CCDC9B: variants seen among roughly 807,000 people sequenced by gnomAD.
The protein encoded by CCDC9B is coiled-coil domain-containing protein 9B.
A neutral mutation model predicts 47.2 loss-of-function variants in CCDC9B; 40 were observed. The observed-to-expected ratio is 0.85, with a 90% CI of 0.66 to 1.10. The LOEUF (loss-of-function observed/expected upper bound fraction) is 1.10. Ranked by LOEUF, CCDC9B falls within the 50% of genes least tolerant of loss-of-function variation. The probability of loss-of-function intolerance (pLI) is 0.00; values close to 1 mark genes in which losing one functional copy is unlikely to be tolerated. For missense variants in CCDC9B, 662 were observed against 651.0 expected, an observed-to-expected ratio of 1.02 and a Z score of -0.18; for synonymous variants, 238 against 250.7, an observed-to-expected ratio of 0.95 and a Z score of 0.48.
At position 40,335,701 on chromosome 15, in the gene CCDC9B, C is replaced by T; in HGVS notation, c.931-1G>A. ...GAGTCTCTCTGGTGCTTTGGCTTCCCTGAAACAAGAGAATAGCCCCGGTGG... is the reference window on the plus strand; with the variant it reads ...GAGTCTCTCTGGTGCTTTGGCTTCCTTGAAACAAGAGAATAGCCCCGGTGG... On this transcript the variant is annotated splice_acceptor_variant, in intron 10 of 10. Transcript: ENST00000397536. LOFTEE classifies it high-confidence loss of function. 1 of 1,566,536 alleles carries T rather than the reference C, an allele frequency of 6.4e-7. No individual in the cohort carries two copies. Among genetic ancestry groups the T allele is most frequent in the Non-Finnish European group, 8.7e-7 (1 of 1,154,320 alleles).
At chr15:40,337,980 A>C in intron 5 of CCDC9B, 87 bp from the exon 6 acceptor site, 17 of 1,331,226 alleles carry the variant, frequency 1.3e-5, no homozygotes, top group Non-Finnish European at 1.7e-5. Flanking sequence ...TTCCTCTCTC[A>C]AGGTTTCCAC....
At chr15:40,340,098 G>A (rs1889057613) in intron 1 of CCDC9B, 83 bp from the exon 2 acceptor site, 4 of 854,008 alleles carry the variant, frequency 4.7e-6, no homozygotes, top group Non-Finnish European at 7.5e-6. Context: ...ACCACCCAAG[G>A]AAGAGATCCC....
rs572589536 is a variant in CCDC9B at position 40,340,351 on chromosome 15, G to A, written c.13-336C>T. The A allele has an allele frequency of 1.7e-4, 62 of 354,294 alleles. 1 individual carries two copies. Among genetic ancestry groups the A allele is most frequent in the South Asian group, 6.2e-4 (13 of 21,126 alleles). The allele number at this position is 354,294 out of a possible 1,614,324, so 21.9% of individuals were successfully genotyped here. ...GGGAGTTATAAATGGCTCTGGCAGC[G>A]GAACCTGCCGTGACTGGGAAGCTGC... On this transcript the variant is annotated intron_variant, in intron 1 of 10. Transcript: ENST00000397536.
chr15:40,339,804 C>A, intron 2 of CCDC9B, 101 bp downstream of exon 2: 1 of 1,394,826 alleles, frequency 7.2e-7, no homozygotes. Context: ...CTGGCCCCAG[C>A]CCCAGAGGCG....
chr15:40,337,926 G>A (rs949701111), intron 5 of CCDC9B, 33 bp from the exon 6 acceptor site: 3 of 1,570,716 alleles, frequency 1.9e-6, no homozygotes, highest in Non-Finnish European at 2.6e-6. Context: ...GTGAGGGGGA[G>A]AAGCAGGAAG....
In CCDC9B at chr15:40,336,822, G is replaced by C. The variant is rs377691451; in HGVS notation, c.743-9C>G. The C allele has an allele frequency of 8.8e-6, 14 of 1,589,894 alleles. No homozygotes were observed. Among genetic ancestry groups the C allele is most frequent in the Non-Finnish European group, 1.2e-5 (14 of 1,173,132 alleles). On this transcript the variant is annotated splice_polypyrimidine_tract_variant and intron_variant, in intron 7 of 10. Transcript: ENST00000397536. Reference sequence around the variant, plus strand: ...CTGGTGGCTCCTGGGACCTGCGGGGGACAAAAGAAGTGGGGAAAGGTGGGG... The same window carrying C: ...CTGGTGGCTCCTGGGACCTGCGGGGCACAAAAGAAGTGGGGAAAGGTGGGG...
rs554312644 is a variant in CCDC9B, at chr15:40,339,646, C to T, written c.124-27G>A. The T allele has an allele frequency of 1.4e-5, 22 of 1,610,934 alleles. No individual in the cohort carries two copies. The East Asian group carries it at 3.6e-4, about 26-fold the overall frequency. Reference sequence around the variant, plus strand: ...TGTGGGAGGGCTGGGGGTCAGCACACGCCATGGCCCCCCAGGTGCACAGAG... The same window carrying T: ...TGTGGGAGGGCTGGGGGTCAGCACATGCCATGGCCCCCCAGGTGCACAGAG... On this transcript the variant is annotated intron_variant, in intron 2 of 10. Coordinates refer to ENST00000397536, the MANE Select transcript of CCDC9B (RefSeq NM_207380.3).
chr15:40,335,721 C>T (rs745324048), intron 10 of CCDC9B, 21 bp from the exon 11 acceptor site: 247 of 1,579,510 alleles, frequency 1.6e-4, no homozygotes, highest in Non-Finnish European at 2.0e-4. Context: ...AGAATAGCCC[C>T]GGTGGCTGAT....
Position 40,338,718 on chromosome 15 carries a change from G to A in CCDC9B, c.387+30C>T, listed in dbSNP as rs150299577. 807 of 1,610,102 alleles carry A rather than the reference G, an allele frequency of 5.0e-4. 4 individuals are homozygous for A. In the African/African-American group the frequency reaches 9.6e-3, roughly 19 times the overall value. On this transcript the variant is annotated intron_variant, in intron 4 of 10. Transcript: ENST00000397536. ...GCCAGGGAGGAAGAGGCTGCCTGCC[G>A]ATGCCTGCACTCCCCACCACCCTGC... is the stretch of plus-strand genomic sequence containing the variant.
intron 7 of CCDC9B, 139 bp from the exon 8 acceptor site, chr15:40,336,952 G>A (rs1888974959): frequency 6.7e-6 from 5 of 748,456 alleles, no homozygotes; most frequent in South Asian, 6.5e-5. Context: ...CCCTCGCCTG[G>A]GGGTCAGGAG....
rs369872412 is a variant in CCDC9B, at chr15:40,338,847, G to A, written c.288C>T (p.Thr96=). 6.2e-6 allele frequency: 10 copies of A among 1,613,988 alleles called. No individual in the cohort carries two copies. The highest frequency in any genetic ancestry group is 2.2e-5 in the East Asian group (1 of 44,896). Residue 96 remains threonine (T), a synonymous_variant, in exon 4 of 11, where the codon ACC becomes ACT. Transcript: ENST00000397536. ...CATCCTCATCCTCAAGCATCTCGTT[G>A]GTCACTCTGGGTCCACAGGTACCCC... is the stretch of plus-strand genomic sequence containing the variant. ...WARGTCGPRV[T]NEMLEDEDAE...
chr15:40,337,592 G>T, intron 6 of CCDC9B, 132 bp downstream of exon 6: 1 of 1,224,372 alleles, frequency 8.2e-7, no homozygotes, highest in South Asian at 1.5e-5. Flanking sequence ...CCAGAGCCTT[G>T]AACCCTGGGC....
intron 1 of CCDC9B, chr15:40,340,550 A>C: frequency 2.0e-6 from 1 of 507,838 alleles, no homozygotes; most frequent in Non-Finnish European, 3.5e-6. Context: ...CCAGGCCGAA[A>C]GCTGCTGGTA....
At position 40,337,738 on chromosome 15, in the gene CCDC9B, G is replaced by C; in HGVS notation, c.669C>G (p.Asp223Glu). The C allele has an allele frequency of 6.2e-7, 1 of 1,602,172 alleles. No individual in the cohort carries two copies. The highest frequency in any genetic ancestry group is 8.5e-7 in the Non-Finnish European group (1 of 1,176,862). The part of the protein sequence containing the change: ...QGDWRRPWDL[D>E]KAKSTLQDCS... ...CAGCCACCCACGTGGACTTGGCCTTGTCCAGGTCCCACGGGCGGCGCCAGT... is the reference window on the plus strand; with the variant it reads ...CAGCCACCCACGTGGACTTGGCCTTCTCCAGGTCCCACGGGCGGCGCCAGT... Residue 223 changes from aspartate (D) to glutamate (E), a missense_variant, in exon 6 of 11, where the codon GAC (aspartate) becomes GAG (glutamate). Asp to Glu is a conservative substitution (Grantham distance 45). Coordinates refer to ENST00000397536, the MANE Select transcript of CCDC9B (RefSeq NM_207380.3).
rs558204056 is a variant in CCDC9B at position 40,335,255 on chromosome 15, G to C, written c.1376C>G (p.Pro459Arg). The change falls in exon 11 of 11, where the codon CCG becomes CGG. Residue 459 changes from proline to arginine, a missense_variant. Coordinates refer to ENST00000397536, the MANE Select transcript of CCDC9B (RefSeq NM_207380.3). Reference protein sequence around the residue: ...GKSGAQQGLAPRSRPTRGGSQ... With the variant: ...GKSGAQQGLARRSRPTRGGSQ... ...GCCTCCTCTCGTGGGCCGGCTTCTC[G>C]GGGCCAGGCCCTGCTGGGCCCCAGA... 3 of 1,596,362 alleles carry C rather than the reference G, an allele frequency of 1.9e-6. No homozygotes were observed. Among genetic ancestry groups the C allele is most frequent in the South Asian group, 1.1e-5 (1 of 90,152 alleles).
In CCDC9B at chr15:40,335,222, CT is replaced by C; in HGVS notation, c.1408del (p.Arg470GlyfsTer8). 6.3e-7 allele frequency: 1 copy of C among 1,581,052 alleles called. No homozygotes were observed. ...RSRPTRGGSQ[R>X]SRGTAGVRRR... ...CCTCACACCTGCTGTGCCTCTCGACCTTTGGCTGCCTCCTCTCGTGGGCCGG... is the reference window on the plus strand; with the variant it reads ...CCTCACACCTGCTGTGCCTCTCGACCTTGGCTGCCTCCTCTCGTGGGCCGG... On this transcript the variant is annotated frameshift_variant, in exon 11 of 11. Coordinates refer to ENST00000397536, the MANE Select transcript of CCDC9B (RefSeq NM_207380.3). LOFTEE classifies it high-confidence loss of function.
chr15:40,335,729 G>T (rs775375668), intron 10 of CCDC9B, 29 bp from the exon 11 acceptor site: 1 of 1,587,316 alleles, frequency 6.3e-7, no homozygotes, highest in South Asian at 1.1e-5. Context: ...CCCGGTGGCT[G>T]ATGAATCCAG....
rs1888884766 is a variant in CCDC9B, at chr15:40,332,853, G to T, written c.*2305C>A. 1 of 152,170 alleles carries T rather than the reference G, an allele frequency of 6.6e-6. No individual in the cohort carries two copies. Among genetic ancestry groups the T allele is most frequent in the East Asian group, 1.9e-4 (1 of 5,198 alleles). 9.4% of individuals were successfully genotyped at this position (152,170 alleles called of 1,614,324 possible). A position where few individuals can be genotyped will look rare whatever the true frequency, so the allele number is the denominator to read the frequency against. ...CTCCAAAGCCATGTTCTTGTGACTA[G>T]AAGGCAAGAGAAAAACTTGAGCTTG... is the stretch of plus-strand genomic sequence containing the variant. On this transcript the variant is annotated 3_prime_UTR_variant, in exon 11 of 11. Coordinates refer to ENST00000397536, the MANE Select transcript of CCDC9B (RefSeq NM_207380.3).
At chr15:40,338,969 C>G in intron 3 of CCDC9B, 66 bp from the exon 4 acceptor site, 1 of 1,583,614 alleles carries the variant, frequency 6.3e-7, no homozygotes, top group Non-Finnish European at 8.7e-7. Context: ...TGGGTCCTCT[C>G]GGTGGTTCCC....
Sources: allele counts gnomAD v4.1 joint callset, GRCh38; gene constraint gnomAD v4.1.1; transcripts MANE v1.5; gene names NCBI Gene and HGNC (gene_info 2026-07-23, HGNC 2026-07-21).